CTNND1: variants seen among roughly 807,000 people sequenced by gnomAD.
The protein encoded by CTNND1 is catenin delta 1.
Under a neutral mutation model 112.1 loss-of-function variants are expected in CTNND1, and 16 were observed. That is an observed-to-expected ratio of 0.14 (90% confidence interval 0.10 to 0.22). CTNND1 has a LOEUF of 0.22. CTNND1 is among the 10% of genes least tolerant of loss of function. The pLI is 1.00. For synonymous variants in CTNND1, 420 were observed against 446.5 expected, an observed-to-expected ratio of 0.94 and a Z score of 0.75; for missense variants, 1,008 against 1,257.0, an observed-to-expected ratio of 0.80 and a Z score of 3.00.
chr11:57,808,107 A>G (rs2062937259), intron 12 of CTNND1, 58 bp from the exon 13 acceptor site: 7 of 1,552,952 alleles, frequency 4.5e-6, no homozygotes, highest in African/African-American at 1.4e-5. Flanking sequence ...CCAGCCAGCT[A>G]GAGCCTGGTT....
At chr11:57,789,678 CA>C (rs962000960) in intron 2 of CTNND1, among the ~76,000 whole-genome samples, 16 of 146,444 alleles carry the variant, frequency 1.1e-4, no homozygotes, top group African/African-American at 1.2e-4. Flanking sequence ...AAAAGAATTG[CA>C]AAAAAAAAAA....
chr11:57,808,589 G>C, intron 14 of CTNND1, 49 bp downstream of exon 14: 1 of 1,498,150 alleles, frequency 6.7e-7, no homozygotes, highest in Non-Finnish European at 8.9e-7. Context: ...TACAGTGTTT[G>C]TAGTCCAGCA....
At chr11:57,806,377 C>T in intron 10 of CTNND1, 84 bp from the exon 11 acceptor site, 1 of 1,266,544 alleles carries the variant, frequency 7.9e-7, no homozygotes, top group Admixed American at 2.0e-5. Context: ...CTTATTTGCC[C>T]ATGATTCTGC....
At chr11:57,808,740 A>G (rs1341082532) in intron 14 of CTNND1, among the ~76,000 whole-genome samples, 200 bp downstream of exon 14, 5 of 152,242 alleles carry the variant, frequency 3.3e-5, no homozygotes, top group Non-Finnish European at 7.3e-5. Flanking sequence ...CTCTTCAAAA[A>G]TAAAATAATA....
intron 1 of CTNND1, among the ~76,000 whole-genome samples, chr11:57,781,070 C>T (rs1312244136): frequency 6.6e-6 from 1 of 152,170 alleles, no homozygotes; most frequent in East Asian, 1.9e-4. Context: ...TCCCGGGTAG[C>T]TAGGATTACA....
chr11:57,790,828 G>T (rs1280530507), intron 2 of CTNND1, among the ~76,000 whole-genome samples: 1 of 152,056 alleles, frequency 6.6e-6, no homozygotes, highest in Non-Finnish European at 1.5e-5. Context: ...AAAGTGCTGG[G>T]ATTACAGGTG....
chr11:57,814,873 C>T (rs1591712855), intron 18 of CTNND1, among the ~76,000 whole-genome samples: 1 of 152,128 alleles, frequency 6.6e-6, no homozygotes, highest in African/African-American at 2.4e-5. Flanking sequence ...TTCACTCGCT[C>T]TTCTTTTAAT....
At chr11:57,804,312 T>G (rs945741363) in intron 8 of CTNND1, among the ~76,000 whole-genome samples, 3 of 152,236 alleles carry the variant, frequency 2.0e-5, no homozygotes, top group African/African-American at 7.2e-5. Context: ...TCCTGAATTC[T>G]TTTTATATCC....
Position 57,794,032 on chromosome 11 carries a change from C to G in CTNND1, c.218C>G (p.Ala73Gly). ...CAGAACGGCCGGTTTGTGGGCGATG[C>G]TGACCTTGAAAGACAGAAATTTTCA... Reference protein sequence around the residue: ...RHQNGRFVGDADLERQKFSDL... With the variant: ...RHQNGRFVGDGDLERQKFSDL... The change falls in exon 4 of 21, where the codon GCT becomes GGT. Residue 73 changes from alanine (A) to glycine (G), a missense_variant. Ala to Gly is a moderately conservative substitution (Grantham distance 60, BLOSUM62 0). Coordinates refer to ENST00000399050, the MANE Select transcript of CTNND1 (RefSeq NM_001085458.2). 6.2e-7 allele frequency: 1 copy of G among 1,613,998 alleles called. No homozygotes were observed. Among genetic ancestry groups the G allele is most frequent in the Non-Finnish European group, 8.5e-7 (1 of 1,179,906 alleles).
chr11:57,816,235 T>G (rs895362696), intron 20 of CTNND1, 62 bp from the exon 21 acceptor site: 9 of 1,599,618 alleles, frequency 5.6e-6, no homozygotes, highest in African/African-American at 5.4e-5. Context: ...TCAACTTTTT[T>G]GGGGGGGGTC....
rs533428546 is a variant in CTNND1 at position 57,784,755 on chromosome 11, C to G, written c.-213-4282C>G. Among the ~76,000 whole-genome samples, 193 of 152,336 alleles carry G rather than the reference C, an allele frequency of 1.3e-3. 1 individual carries two copies. The highest frequency in any genetic ancestry group is 4.4e-3 in the African/African-American group (181 of 41,560). ...TCCTGAACTCAAGTGATCCTCCCAT[C>G]TCAGCCTCCTAAAGTGCTGTGATTA... is the stretch of plus-strand genomic sequence containing the variant. On this transcript the variant is annotated intron_variant, in intron 1 of 20. Coordinates refer to ENST00000399050, the MANE Select transcript of CTNND1 (RefSeq NM_001085458.2).
chr11:57,807,587 CAGAT>C (rs1211153033), intron 12 of CTNND1, among the ~76,000 whole-genome samples: 1 of 83,542 alleles, frequency 1.2e-5, no homozygotes, highest in East Asian at 3.9e-4. Flanking sequence ...GCCTGGGCGA[CAGAT>C]AGAAACTCCG....
In CTNND1 at chr11:57,808,308, G is replaced by A. The variant is rs551518022; in HGVS notation, c.2091+16G>A. On this transcript the variant is annotated intron_variant, in intron 13 of 20. Transcript: ENST00000399050. ...GCGCTGGACGGTACCTTTTAGAAAA[G>A]GGATTTGGAGATGGGAAAACTTAGA... is the stretch of plus-strand genomic sequence containing the variant. The A allele has an allele frequency of 3.1e-6, 5 of 1,601,376 alleles. No homozygotes were observed. The African/African-American group carries it at 6.7e-5, about 21-fold the overall frequency.
chr11:57,786,494 C>T (rs527974109), intron 1 of CTNND1, among the ~76,000 whole-genome samples: 108 of 152,156 alleles, frequency 7.1e-4, no homozygotes, highest in African/African-American at 2.4e-3. Flanking sequence ...GATTGCACCA[C>T]AGCACTCCAG....
intron 14 of CTNND1, among the ~76,000 whole-genome samples, chr11:57,808,998 T>C (rs2063032678): frequency 6.6e-6 from 1 of 152,224 alleles, no homozygotes; most frequent in South Asian, 2.1e-4. Context: ...GATATTTTCA[T>C]TAGAGTATCT....
Position 57,812,314 on chromosome 11 carries a change from GT to G in CTNND1, c.2638+830del, listed in dbSNP as rs562355752. ...GCGGGCAGATCACCTGAGGTCAGGA[GT>G]TCAAGATCAGCCTGGCCAACATGGT... On this transcript the variant is annotated intron_variant, in intron 17 of 20. Coordinates refer to ENST00000399050, the MANE Select transcript of CTNND1 (RefSeq NM_001085458.2). 3.5e-4 allele frequency among the ~76,000 whole-genome samples: 54 copies of G among 152,300 alleles called. 1 individual carries two copies. In the East Asian group the frequency reaches 6.6e-3, roughly 19 times the overall value.
At chr11:57,769,396 T>C (rs555083149) in intron 1 of CTNND1, among the ~76,000 whole-genome samples, 221 of 152,112 alleles carry the variant, frequency 1.5e-3, no homozygotes, top group Admixed American at 2.3e-3. Flanking sequence ...GTGATTCTCC[T>C]ACTTCAGCCC....
chr11:57,806,223 T>C (rs926547925), intron 10 of CTNND1, among the ~76,000 whole-genome samples, 188 bp downstream of exon 10: 5 of 81,046 alleles, frequency 6.2e-5, no homozygotes. Context: ...GTGGTTGTGA[T>C]GTGTTGGTGG....
chr11:57,807,653 T>C (rs1342920789), intron 12 of CTNND1, among the ~76,000 whole-genome samples: 1 of 151,376 alleles, frequency 6.6e-6, no homozygotes, highest in African/African-American at 2.4e-5. Context: ...TTTTGTACTT[T>C]ACTAAAAGAA....
Sources: allele counts gnomAD v4.1 joint callset (sites outside exome capture counted in the v4.1 genomes callset), GRCh38; gene constraint gnomAD v4.1.1; transcripts MANE v1.5; gene names NCBI Gene and HGNC (gene_info 2026-07-23, HGNC 2026-07-21).